The following PSG7 variants were observed in gnomAD, a reference collection of about 807,000 sequenced individuals.
PSG7 encodes pregnancy specific beta-1-glycoprotein 7, also known as pregnancy-specific beta-1-glycoprotein 7.
A neutral mutation model predicts 45.6 loss-of-function variants in PSG7; 57 were observed. The ratio of observed to expected loss-of-function variants is 1.25; its 90% CI spans 1.01 to 1.56. PSG7 has a LOEUF of 1.56. PSG7 is among the 40% of genes most tolerant of loss of function. PSG7 has a pLI of 0.00. For synonymous variants in PSG7, 298 were observed against 194.4 expected (o/e 1.53, Z -4.43); for missense variants, 796 against 508.4 (o/e 1.57, Z -5.44).
rs1972477860 is a variant in PSG7, at chr19:42,924,260, CA to C, written c.*547del. On this transcript the variant is annotated 3_prime_UTR_variant, in exon 6 of 6. Coordinates refer to ENST00000406070, the MANE Select transcript of PSG7 (RefSeq NM_002783.3). ...TTTAAAGGGGAGTCTACTATAATTTCAGCTTTCCTACTCTTTATAGAAACCA... is the reference window on the plus strand; with the variant it reads ...TTTAAAGGGGAGTCTACTATAATTTCGCTTTCCTACTCTTTATAGAAACCA... 1 of 262,988 alleles carries C rather than the reference CA, an allele frequency of 3.8e-6. No homozygotes were observed. Among genetic ancestry groups the C allele is most frequent in the Non-Finnish European group, 7.1e-6 (1 of 140,536 alleles). The allele number at this position is 262,988 out of a possible 1,614,324, so 16.3% of individuals were successfully genotyped here. A position where few individuals can be genotyped will look rare whatever the true frequency, so the allele number is the denominator to read the frequency against.
Position 42,924,330 on chromosome 19 carries a change from A to G in PSG7, c.*478T>C, listed in dbSNP as rs1224010618. The G allele has an allele frequency of 2.6e-6, 1 of 383,812 alleles. No individual in the cohort carries two copies. Among genetic ancestry groups the G allele is most frequent in the Non-Finnish European group, 4.6e-6 (1 of 216,808 alleles). 23.8% of individuals were successfully genotyped at this position (383,812 alleles called of 1,614,324 possible). On this transcript the variant is annotated 3_prime_UTR_variant, in exon 6 of 6. Coordinates refer to ENST00000406070, the MANE Select transcript of PSG7 (RefSeq NM_002783.3). ...AGGCAATATCTCTGTGTTCATTTCT[A>G]TTGGGAGCCCTGTATGCAAGATGGA...
At chr19:42,926,398 C>T in intron 4 of PSG7, 40 bp downstream of exon 4, 4 of 1,606,858 alleles carry the variant, frequency 2.5e-6, no homozygotes, top group South Asian at 1.1e-5. Context: ...AGCTGGTGTC[C>T]TGGCCCACAG....
chr19:42,928,674 C>T (rs1972947335), intron 3 of PSG7, among the ~76,000 whole-genome samples: 1 of 151,286 alleles, frequency 6.6e-6, no homozygotes, highest in Non-Finnish European at 1.5e-5. Context: ...AATATATTCC[C>T]TTTCCTGAGT....
chr19:42,931,641 G>A lies in PSG7; in HGVS notation c.431-1921C>T, dbSNP rs62110915. Among the ~76,000 whole-genome samples, 177 of 151,394 alleles carry A rather than the reference G, an allele frequency of 1.2e-3. 2 individuals carry two copies. The highest frequency in any genetic ancestry group is 1.9e-3 in the Non-Finnish European group (127 of 67,818). The stretch of plus-strand genomic sequence containing the variant: ...AGGCTAAGTGAGATGGCAATGGCTC[G>A]TGTGTCTCCCCACACGAAGAACTCC... On this transcript the variant is annotated intron_variant, in intron 2 of 5. Coordinates refer to ENST00000406070, the MANE Select transcript of PSG7 (RefSeq NM_002783.3).
At chr19:42,928,505 G>T (rs1972944117) in intron 3 of PSG7, among the ~76,000 whole-genome samples, 1 of 151,418 alleles carries the variant, frequency 6.6e-6, no homozygotes, top group Non-Finnish European at 1.5e-5. Flanking sequence ...GACCTTTTTG[G>T]TTAAACTTAT....
chr19:42,933,303 A>ATTTTTTTTTTTT (rs1418931958), intron 2 of PSG7, among the ~76,000 whole-genome samples: 8 of 14,840 alleles, frequency 5.4e-4, no homozygotes, highest in African/African-American at 3.5e-4. Flanking sequence ...ATATATATAT[A>ATTTTTTTTTTTT]TATATTTTTT....
chr19:42,926,884 A>C, intron 3 of PSG7, 168 bp from the exon 4 acceptor site: 1 of 1,312,678 alleles, frequency 7.6e-7, no homozygotes. Flanking sequence ...TAAGGGCTCA[A>C]AGACTGTGAG....
chr19:42,927,596 C>T (rs548739171), intron 3 of PSG7: 7 of 151,664 alleles, frequency 4.6e-5, no homozygotes, highest in African/African-American at 1.7e-4. Flanking sequence ...CCTCATGGAC[C>T]ATGTGTGTTT....
Position 42,935,760 on chromosome 19 carries a change from A to C in PSG7, c.74T>G (p.Leu25Ter), listed in dbSNP as rs371242293. The C allele has an allele frequency of 4.3e-6, 7 of 1,609,496 alleles. 1 individual carries two copies. The African/African-American group carries it at 9.4e-5, about 22-fold the overall frequency. The change falls in exon 2 of 6, where the codon TTA becomes TGA. Residue 25 changes from leucine to a stop codon, truncating the protein, a stop_gained. Coordinates refer to ENST00000406070, the MANE Select transcript of PSG7 (RefSeq NM_002783.3). LOFTEE classifies it high-confidence loss of function. ...WKGLLLTASL[L>*]NFWNPPTTAQ... ...TGTGGTGGGCGGGTTCCAGAAGTTT[A>C]AAAGTGATGCTAGGAGGTGGAGAGA...
chr19:42,928,323 G>A lies in PSG7; in HGVS notation c.709+1119C>T, dbSNP rs145391607. 6.9e-4 allele frequency among the ~76,000 whole-genome samples: 104 copies of A among 151,636 alleles called. 3 individuals carry two copies. Among genetic ancestry groups the A allele is most frequent in the African/African-American group, 2.4e-3 (100 of 41,322 alleles). On this transcript the variant is annotated intron_variant, in intron 3 of 5. Coordinates refer to ENST00000406070, the MANE Select transcript of PSG7 (RefSeq NM_002783.3). The stretch of plus-strand genomic sequence containing the variant: ...AGAGTTTTCTAATTCTGCAAAAAAT[G>A]TTACTGGGATGCTGGTAGGGGTTGC...
At chr19:42,928,582 T>C (rs1444270471) in intron 3 of PSG7, among the ~76,000 whole-genome samples, 2 of 151,618 alleles carry the variant, frequency 1.3e-5, no homozygotes, top group East Asian at 3.9e-4. Context: ...TCTTTTCAGA[T>C]TGTTCATTGT....
intron 2 of PSG7, among the ~76,000 whole-genome samples, chr19:42,933,297 A>ATTTTTTTT (rs1399711757): frequency 3.0e-4 from 4 of 13,244 alleles, no homozygotes; most frequent in East Asian, 4.3e-3. Context: ...ATATATATAT[A>ATTTTTTTT]TATATATATA....
At chr19:42,926,053 G>A in intron 4 of PSG7, 26 bp from the exon 5 acceptor site, 1 of 1,607,366 alleles carries the variant, frequency 6.2e-7, no homozygotes, top group Non-Finnish European at 8.5e-7. Flanking sequence ...TAAAGCCACA[G>A]GTGATGTTAT....
In PSG7 at chr19:42,927,795, G is replaced by T. The variant is rs1401945978; in HGVS notation, c.710-1079C>A. 2.2e-4 allele frequency among the ~76,000 whole-genome samples: 33 copies of T among 151,556 alleles called. No individual in the cohort carries two copies. The South Asian group carries it at 5.8e-3, about 27-fold the overall frequency. On this transcript the variant is annotated intron_variant, in intron 3 of 5. Transcript: ENST00000406070. Reference sequence around the variant, plus strand: ...GAGAATCAGAAGTTGTTCATGGGTGGGCAGTTTCTTTTATGCAAGATGGGG... The same window carrying T: ...GAGAATCAGAAGTTGTTCATGGGTGTGCAGTTTCTTTTATGCAAGATGGGG...
At chr19:42,933,915 T>C (rs1568460003) in intron 2 of PSG7, among the ~76,000 whole-genome samples, 1 of 151,278 alleles carries the variant, frequency 6.6e-6, no homozygotes, top group Non-Finnish European at 1.5e-5. Flanking sequence ...GAAACATGGG[T>C]GTCAGCCTCC....
In PSG7 at chr19:42,935,371, C is replaced by A. The variant is rs782351427; in HGVS notation, c.430+33G>T. 20 of 1,610,446 alleles carry A rather than the reference C, an allele frequency of 1.2e-5. 1 individual carries two copies. In the South Asian group the frequency reaches 2.0e-4, roughly 16 times the overall value. On this transcript the variant is annotated intron_variant, in intron 2 of 5. Coordinates refer to ENST00000406070, the MANE Select transcript of PSG7 (RefSeq NM_002783.3). ...TGTGAAGTAGAAATGACCCCTGCCC[C>A]CCAACACCCAGGGACCATGTGGAAT...
chr19:42,933,308 T>TATATATATATATA lies in PSG7; in HGVS notation c.430+2095_430+2096insTATATATATATAT, dbSNP rs1555745220. On this transcript the variant is annotated intron_variant, in intron 2 of 5. Coordinates refer to ENST00000406070, the MANE Select transcript of PSG7 (RefSeq NM_002783.3). ...ATATATATATATATATATATATATA[T>TATATATATATATA]TTTTTTTTTTTTTTGGTGTATGTAT... Among the ~76,000 whole-genome samples, 82 of 11,748 alleles carry TATATATATATATA rather than the reference T, an allele frequency of 7.0e-3. 1 individual carries two copies. The highest frequency in any genetic ancestry group is 0.018 in the East Asian group (4 of 218). 7.7% of individuals were successfully genotyped at this position (11,748 alleles called of 152,430 possible).
chr19:42,926,383 A>G, intron 4 of PSG7, 55 bp downstream of exon 4: 2 of 1,598,090 alleles, frequency 1.3e-6, no homozygotes, highest in East Asian at 2.2e-5. Flanking sequence ...GGTCGTTTGG[A>G]GTTAAGCTGG....
chr19:42,935,364 C>T (rs1164365950), intron 2 of PSG7, 40 bp downstream of exon 2: 2 of 1,609,344 alleles, frequency 1.2e-6, no homozygotes, highest in African/African-American at 2.7e-5. Flanking sequence ...AGAAATGACC[C>T]CTGCCCCCCA....
Sources: gnomAD v4.1 joint callset for allele counts (sites outside exome capture counted in the v4.1 genomes callset) on GRCh38, gnomAD v4.1.1 for gene constraint, MANE v1.5 for transcripts, NCBI Gene and HGNC (gene_info 2026-07-23, HGNC 2026-07-21) for gene names.